Variants in RNF38 observed in about 807,000 individuals in gnomAD.
RNF38 encodes ring finger protein 38, also known as E3 ubiquitin-protein ligase RNF38.
Under a neutral mutation model 67.2 loss-of-function variants are expected in RNF38, and 15 were observed. The ratio of observed to expected loss-of-function variants is 0.22; its 90% confidence interval spans 0.15 to 0.34. The LOEUF is 0.34. Among genes scored for constraint, RNF38 ranks in the 10% least tolerant of loss-of-function variants. The pLI is 1.00. For missense variants in RNF38, 524 were observed against 639.9 expected (o/e 0.82, Z 1.95); for synonymous variants, 220 against 218.8 (o/e 1.01, Z -0.05).
At chr9:36,376,150 C>G in intron 2 of RNF38, 23 bp from the exon 3 acceptor site, 1 of 1,520,196 alleles carries the variant, frequency 6.6e-7, no homozygotes, top group South Asian at 1.3e-5. Flanking sequence ...CAAAATGGAT[C>G]AACTGAGTAA....
chr9:36,347,109 A>G, intron 9 of RNF38, among the ~76,000 whole-genome samples: 2 of 94,568 alleles, frequency 2.1e-5, no homozygotes, highest in Non-Finnish European at 3.8e-5. Context: ...CGACAAAGGG[A>G]GACTCCATCT....
chr9:36,434,668 C>CATGA (rs1399742104), intron 1 of RNF38, among the ~76,000 whole-genome samples: 2 of 152,206 alleles, frequency 1.3e-5, no homozygotes, highest in Non-Finnish European at 2.9e-5. Flanking sequence ...GGATTACAGG[C>CATGA]ATGAGCCACC....
intron 1 of RNF38, among the ~76,000 whole-genome samples, chr9:36,393,453 G>A (rs1276224608): frequency 7.4e-6 from 1 of 134,524 alleles, no homozygotes; most frequent in Admixed American, 7.5e-5. Flanking sequence ...TTACTACTAG[G>A]TAAAATAAAA....
chr9:36,361,230 C>A (rs990508463), intron 4 of RNF38, among the ~76,000 whole-genome samples: 1 of 151,878 alleles, frequency 6.6e-6, no homozygotes, highest in East Asian at 1.9e-4. Context: ...CGGCTCACTG[C>A]AACCTCTGCC....
intron 1 of RNF38, among the ~76,000 whole-genome samples, chr9:36,463,055 C>T (rs1839771960): frequency 6.6e-6 from 1 of 151,972 alleles, no homozygotes; most frequent in Non-Finnish European, 1.5e-5. Context: ...ATAGGCAGAG[C>T]AGCCTGGTCA....
chr9:36,357,942 G>A lies in RNF38; in HGVS notation c.571C>T (p.Leu191Phe). 1 of 1,606,994 alleles carries A rather than the reference G, an allele frequency of 6.2e-7. No individual in the cohort carries two copies. Among genetic ancestry groups the A allele is most frequent in the Non-Finnish European group, 8.5e-7 (1 of 1,176,072 alleles). ...GAAACAGGGACTGTTCCTTGATGGA[G>A]CTTTAAAGGAAAAAACAAATGAACA... ...NAVMVDIHDQ[L>F]HQGTVPVSYT... Residue 191 changes from leucine (L) to phenylalanine (F), a missense_variant and splice_region_variant, in exon 5 of 12, where the codon CTC becomes TTC. This residue lies in a region of RNF38 where 461 missense variants were observed against 517.4 expected (regional missense o/e 0.89). Coordinates refer to ENST00000259605, the MANE Select transcript of RNF38 (RefSeq NM_022781.5).
intron 4 of RNF38, among the ~76,000 whole-genome samples, chr9:36,358,146 T>C (rs1051793246): frequency 2.0e-5 from 3 of 152,112 alleles, no homozygotes; most frequent in Non-Finnish European, 4.4e-5. Context: ...TTCCACAAAA[T>C]TGGGGCTAAA....
At chr9:36,375,816 G>T in intron 3 of RNF38, 118 bp downstream of exon 3, 3 of 864,536 alleles carry the variant, frequency 3.5e-6, no homozygotes, top group Non-Finnish European at 3.5e-6. Context: ...GTGAATGTAC[G>T]TGTATATGTG....
At chr9:36,484,922 T>C (rs1840368370) in intron 1 of RNF38, among the ~76,000 whole-genome samples, 1 of 152,130 alleles carries the variant, frequency 6.6e-6, no homozygotes, top group African/African-American at 2.4e-5. Context: ...ATCCCAGCAC[T>C]TTGGGAGGCA....
At chr9:36,431,593 G>A (rs1165296757) in intron 1 of RNF38, among the ~76,000 whole-genome samples, 1 of 152,144 alleles carries the variant, frequency 6.6e-6, no homozygotes, top group Non-Finnish European at 1.5e-5. Context: ...GAGGAAAGGG[G>A]AATGGGCAGA....
chr9:36,388,531 T>C (rs1269929211), intron 2 of RNF38, among the ~76,000 whole-genome samples: 1 of 151,986 alleles, frequency 6.6e-6, no homozygotes, highest in Admixed American at 6.6e-5. Flanking sequence ...AAAAGACTGG[T>C]GGTAGAAACA....
At chr9:36,416,735 C>T (rs988422233) in intron 2 of RNF38, among the ~76,000 whole-genome samples, 2 of 141,974 alleles carry the variant, frequency 1.4e-5, no homozygotes, top group Non-Finnish European at 3.0e-5. Flanking sequence ...CTTGCTGCTG[C>T]CTCGATATTT....
chr9:36,398,658 T>G (rs980551477), intron 1 of RNF38, among the ~76,000 whole-genome samples: 1 of 152,220 alleles, frequency 6.6e-6, no homozygotes, highest in Non-Finnish European at 1.5e-5. Flanking sequence ...GAAAAGGCTG[T>G]GAGTTAAGTA....
At chr9:36,426,614 C>G (rs560850309) in intron 1 of RNF38, among the ~76,000 whole-genome samples, 1 of 152,112 alleles carries the variant, frequency 6.6e-6, no homozygotes, top group East Asian at 1.9e-4. Context: ...TTTGTGTGAA[C>G]GTTTATTTTC....
intron 2 of RNF38, among the ~76,000 whole-genome samples, chr9:36,422,961 T>C (rs554913058): frequency 6.6e-6 from 1 of 152,318 alleles, no homozygotes; most frequent in South Asian, 2.1e-4. Context: ...GTCTGGCTTC[T>C]ATACCATAAA....
At chr9:36,484,531 A>ATTTACGATTACCTGATTCAGATTTT (rs1157945929) in intron 1 of RNF38, among the ~76,000 whole-genome samples, 8 of 152,174 alleles carry the variant, frequency 5.3e-5, no homozygotes, top group African/African-American at 1.9e-4. Context: ...CCAAATCTTA[A>ATTTACGATTACCTGATTCAGATTTT]TTTACGATTA....
At chr9:36,394,309 A>T (rs1487486924) in intron 1 of RNF38, among the ~76,000 whole-genome samples, 1 of 152,074 alleles carries the variant, frequency 6.6e-6, no homozygotes, top group African/African-American at 2.4e-5. Context: ...CAGCTCCTGC[A>T]AGGTAAGACC....
At chr9:36,418,908 A>G (rs1838544019) in intron 2 of RNF38, among the ~76,000 whole-genome samples, 1 of 151,994 alleles carries the variant, frequency 6.6e-6, no homozygotes, top group South Asian at 2.1e-4. Context: ...GGTTGCAGTG[A>G]GCCGAGATCA....
rs1254983341 is a variant in RNF38, at chr9:36,364,034, T to C, written c.570+5685A>G. 1.2e-4 allele frequency among the ~76,000 whole-genome samples: 11 copies of C among 88,190 alleles called. 1 individual carries two copies. Among genetic ancestry groups the C allele is most frequent in the African/African-American group, 3.3e-4 (10 of 29,992 alleles). 57.9% of individuals were successfully genotyped at this position (88,190 alleles called of 152,430 possible). A position where few individuals can be genotyped will look rare whatever the true frequency, so the allele number is the denominator to read the frequency against. ...TTAGTAGAGATGGGGTGTCACCATG[T>C]TGGCCAGGCTGGCTCGAACTCTTGA... On this transcript the variant is annotated intron_variant, in intron 4 of 11. Coordinates refer to ENST00000259605, the MANE Select transcript of RNF38 (RefSeq NM_022781.5).
Sources: allele counts gnomAD v4.1 joint callset (sites outside exome capture counted in the v4.1 genomes callset), GRCh38; gene constraint gnomAD v4.1.1; regional missense constraint gnomAD v4.1.1; transcripts MANE v1.5; gene names NCBI Gene and HGNC (gene_info 2026-07-23, HGNC 2026-07-21).